Variants in DEFB129 observed in about 807,000 individuals in gnomAD.
DEFB129 encodes the protein defensin beta 129, also known as beta-defensin 129.
Under a neutral mutation model 2.5 loss-of-function variants are expected in DEFB129, and 2 were observed. The ratio of observed to expected loss-of-function variants is 0.80; its 90% CI spans 0.33 to 2.53. The LOEUF is 2.53. Ranked by LOEUF, DEFB129 falls within the 30% of genes most tolerant of loss-of-function variation. The probability of loss-of-function intolerance (pLI) is 0.11; values close to 1 mark genes in which losing one functional copy is unlikely to be tolerated. For synonymous variants in DEFB129, 76 were observed against 74.4 expected, an observed-to-expected ratio of 1.02 and a Z score of -0.11; for missense variants, 177 against 216.9, an observed-to-expected ratio of 0.82 and a Z score of 1.16.
chr20:227,703 T>TTA (rs770979373), intron 1 of DEFB129, among the ~76,000 whole-genome samples: 1 of 151,606 alleles, frequency 6.6e-6, no homozygotes, highest in East Asian at 1.9e-4. Flanking sequence ...CCTTTTTTTT[T>TTA]AAAAAAAGTC....
At chr20:229,231 C>G in intron 1 of DEFB129, 47 bp from the exon 2 acceptor site, 1 of 1,532,628 alleles carries the variant, frequency 6.5e-7, no homozygotes, top group Non-Finnish European at 8.7e-7. Flanking sequence ...TTAACATCAT[C>G]TCTAGTTATT....
chr20:229,794 C>A lies in DEFB129; in HGVS notation c.*23C>A. The stretch of plus-strand genomic sequence containing the variant: ...TAATGTGGATCTTTCCCTTAAAACT[C>A]CAAGTTCCTCTCTATTTTTGCTATC... On this transcript the variant is annotated 3_prime_UTR_variant, in exon 2 of 2. Transcript: ENST00000246105. 6.3e-7 allele frequency: 1 copy of A among 1,585,298 alleles called. No individual in the cohort carries two copies.
intron 1 of DEFB129, 62 bp from the exon 2 acceptor site, chr20:229,216 C>T (rs1454733180): frequency 1.3e-6 from 2 of 1,517,750 alleles, no homozygotes; most frequent in Admixed American, 2.3e-5. Context: ...CTCCCACTAG[C>T]AGTTTTAACA....
chr20:228,526 GA>G (rs1255308631), intron 1 of DEFB129, among the ~76,000 whole-genome samples: 1 of 152,160 alleles, frequency 6.6e-6, no homozygotes, highest in African/African-American at 2.4e-5. Flanking sequence ...GTAATTTAGG[GA>G]AAATCATTGG....
rs183325848 is a variant in DEFB129 at position 229,116 on chromosome 20, C to T, written c.59-162C>T. Among the ~76,000 whole-genome samples, 178 of 152,332 alleles carry T rather than the reference C, an allele frequency of 1.2e-3. 1 individual carries two copies. The highest frequency in any genetic ancestry group is 3.7e-3 in the African/African-American group (152 of 41,572). On this transcript the variant is annotated intron_variant, in intron 1 of 1. Transcript: ENST00000246105. Reference sequence around the variant, plus strand: ...TTTGGATTCAAGAGGGGCATAGAGACGCTCTCAGCCTGCCCATTTGCCTTC... The same window carrying T: ...TTTGGATTCAAGAGGGGCATAGAGATGCTCTCAGCCTGCCCATTTGCCTTC...
intron 1 of DEFB129, among the ~76,000 whole-genome samples, chr20:227,720 T>TA (rs2011298124): frequency 6.6e-6 from 1 of 151,216 alleles, no homozygotes; most frequent in South Asian, 2.1e-4. Context: ...AGTCCTGGGG[T>TA]ACTTGTGCAG....
chr20:228,775 G>A (rs1568480299), intron 1 of DEFB129, among the ~76,000 whole-genome samples: 1 of 152,232 alleles, frequency 6.6e-6, no homozygotes, highest in Non-Finnish European at 1.5e-5. Context: ...AGAACACCAT[G>A]CTTCAGGAAT....
Position 227,431 on chromosome 20 carries a change from G to A in DEFB129, c.58+85G>A, listed in dbSNP as rs150971468. ...CATGACAATGGAAACCCAAAGAGAG[G>A]AGACTGAAAGATTAGCTGTTCAAAA... On this transcript the variant is annotated intron_variant, in intron 1 of 1. Coordinates refer to ENST00000246105, the MANE Select transcript of DEFB129 (RefSeq NM_080831.4). 445 of 1,462,018 alleles carry A rather than the reference G, an allele frequency of 3.0e-4. 4 individuals are homozygous for A. In the African/African-American group the frequency reaches 5.6e-3, roughly 19 times the overall value. The allele number at this position is 1,462,018 out of a possible 1,614,324, so 90.6% of individuals were successfully genotyped here.
chr20:228,229 G>A (rs1042450054), intron 1 of DEFB129, among the ~76,000 whole-genome samples: 4 of 152,180 alleles, frequency 2.6e-5, no homozygotes, highest in Non-Finnish European at 4.4e-5. Flanking sequence ...AAAGGGTTTC[G>A]GGGCAGGGAA....
intron 1 of DEFB129, among the ~76,000 whole-genome samples, chr20:227,694 C>CT (rs111503819): frequency 0.022 from 3,165 of 143,494 alleles, 113 homozygotes; most frequent in African/African-American, 0.085. Flanking sequence ...CTTAAAAGCC[C>CT]TTTTTTTTTA....
chr20:227,385 G>A, intron 1 of DEFB129, 39 bp downstream of exon 1: 1 of 1,610,012 alleles, frequency 6.2e-7, no homozygotes, highest in Non-Finnish European at 8.5e-7. Context: ...GTAGATGAGA[G>A]GAACCAAGGA....
chr20:229,431 C>G lies in DEFB129; in HGVS notation c.212C>G (p.Thr71Arg), dbSNP rs752033324. The G allele has an allele frequency of 2.5e-6, 4 of 1,614,038 alleles. No homozygotes were observed. The African/African-American group carries it at 5.3e-5, about 22-fold the overall frequency. Residue 71 changes from threonine to arginine, a missense_variant, in exon 2 of 2, where the codon ACA becomes AGA. Coordinates refer to ENST00000246105, the MANE Select transcript of DEFB129 (RefSeq NM_080831.4). ...ATTAAAAACTACCTGCAATATGGAA[C>G]ACCAAATGTACTTAATGAAGACGTC... ...KLIKNYLQYGTPNVLNEDVQE... is the reference protein window; with the variant it reads ...KLIKNYLQYGRPNVLNEDVQE...
At chr20:228,460 T>A (rs552100509) in intron 1 of DEFB129, among the ~76,000 whole-genome samples, 2 of 152,320 alleles carry the variant, frequency 1.3e-5, no homozygotes, top group South Asian at 4.1e-4. Flanking sequence ...GAGAAAACAA[T>A]GTGGAAATGT....
At chr20:227,759 T>C (rs1167875023) in intron 1 of DEFB129, among the ~76,000 whole-genome samples, 4 of 151,996 alleles carry the variant, frequency 2.6e-5, no homozygotes, top group Non-Finnish European at 5.9e-5. Flanking sequence ...TAGGTAAATG[T>C]GTGTCATGGT....
chr20:227,732 A>T (rs2011298241), intron 1 of DEFB129, among the ~76,000 whole-genome samples: 1 of 151,074 alleles, frequency 6.6e-6, no homozygotes, highest in South Asian at 2.1e-4. Flanking sequence ...CTTGTGCAGG[A>T]TGTGCGGTTT....
intron 1 of DEFB129, among the ~76,000 whole-genome samples, chr20:228,905 G>A (rs530163594): frequency 6.6e-6 from 1 of 152,294 alleles, no homozygotes; most frequent in East Asian, 1.9e-4. Context: ...TTAGTTTTAT[G>A]ATGGACTTGG....
At chr20:228,664 T>C (rs932179166) in intron 1 of DEFB129, among the ~76,000 whole-genome samples, 2 of 152,112 alleles carry the variant, frequency 1.3e-5, no homozygotes, top group Non-Finnish European at 2.9e-5. Flanking sequence ...TTTAGAATTA[T>C]AGATAACAAT....
intron 1 of DEFB129, among the ~76,000 whole-genome samples, chr20:228,973 T>C (rs1027229226): frequency 6.6e-6 from 1 of 152,226 alleles, no homozygotes; most frequent in Non-Finnish European, 1.5e-5. Context: ...GACAAGTACC[T>C]AAGATGCTAA....
At position 229,651 on chromosome 20, in the gene DEFB129, T is replaced by C. The variant is rs1347546967; in HGVS notation, c.432T>C (p.Ser144=). The change falls in exon 2 of 2, where the codon TCT becomes TCC. Residue 144 remains serine (S), a synonymous_variant. Transcript: ENST00000246105. ...GACAGATCACATACACTGCTACTTC[T>C]ACCAAGAGTAACACCAAAGAAAGCA... ...TPGQITYTAT[S]TKSNTKESRD... The C allele has an allele frequency of 6.2e-7, 1 of 1,614,118 alleles. No homozygotes were observed. Among genetic ancestry groups the C allele is most frequent in the Non-Finnish European group, 8.5e-7 (1 of 1,180,004 alleles).
Sources: allele counts gnomAD v4.1 joint callset (sites outside exome capture counted in the v4.1 genomes callset), GRCh38; gene constraint gnomAD v4.1.1; transcripts MANE v1.5; gene names NCBI Gene and HGNC (gene_info 2026-07-23, HGNC 2026-07-21).